Variants in ZNF723 observed in about 807,000 individuals in gnomAD.
ZNF723 encodes zinc finger protein 723, pseudogene.
A neutral mutation model predicts 9.4 loss-of-function variants in ZNF723; 5 were observed. The ratio of observed to expected loss-of-function variants is 0.53; its 90% CI spans 0.28 to 1.12. The LOEUF is 1.12. Ranked by LOEUF, ZNF723 falls within the 50% of genes most tolerant of loss-of-function variation. The probability of loss-of-function intolerance (pLI) is 0.10; values close to 1 mark genes in which losing one functional copy is unlikely to be tolerated. For synonymous variants in ZNF723, 158 were observed against 168.8 expected, an observed-to-expected ratio of 0.94 and a Z score of 0.49; for missense variants, 450 against 501.5, an observed-to-expected ratio of 0.90 and a Z score of 0.98.
the ZNF723 span, among the ~76,000 whole-genome samples, chr19:22,813,266 T>C: frequency 2.6e-5 from 4 of 152,076 alleles, no homozygotes; most frequent in Admixed American, 6.6e-5. Context: ...GTCTTGCAGG[T>C]GTTATTGTGA....
At position 22,857,461 on chromosome 19, in the gene ZNF723, A is replaced by G; in HGVS notation, c.570A>G (p.Lys190=). 9.5e-7 allele frequency: 1 copy of G among 1,050,074 alleles called. No individual in the cohort carries two copies. The highest frequency in any genetic ancestry group is 1.3e-5 in the South Asian group (1 of 78,222). 65.0% of individuals were successfully genotyped at this position (1,050,074 alleles called of 1,614,324 possible). The change falls in exon 4 of 4, where the codon AAA becomes AAG. Residue 190 remains lysine, a synonymous_variant. Coordinates refer to ENST00000600766, the MANE Select transcript of ZNF723 (RefSeq NM_001349726.2). The part of the protein sequence containing the change: ...KSFCMLSHLT[K]HERNHTRVNC... ...TTTGCATGCTTTCACACCTAACTAA[A>G]CATGAAAGAAATCATACTAGAGTGA...
intron 1 of ZNF723, among the ~76,000 whole-genome samples, chr19:22,834,106 G>GAGACCAT (rs1001778466): frequency 4.7e-5 from 7 of 150,232 alleles, no homozygotes; most frequent in African/African-American, 1.7e-4. Context: ...AGTGGAGACG[G>GAGACCAT]GGTTTCACCA....
chr19:22,838,511 C>T (rs1041770997), intron 1 of ZNF723, among the ~76,000 whole-genome samples: 1 of 151,638 alleles, frequency 6.6e-6, no homozygotes, highest in African/African-American at 2.4e-5. Flanking sequence ...GAGATCTAGC[C>T]ATTGCATTCC....
At chr19:22,817,518 C>A in the ZNF723 span, among the ~76,000 whole-genome samples, 1 of 151,772 alleles carries the variant, frequency 6.6e-6, no homozygotes, top group Non-Finnish European at 1.5e-5. Context: ...TTGGACCTTG[C>A]CCACTGGGAG....
intron 1 of ZNF723, among the ~76,000 whole-genome samples, chr19:22,842,590 T>C (rs1395973392): frequency 1.3e-5 from 2 of 152,248 alleles, no homozygotes; most frequent in Non-Finnish European, 2.9e-5. Flanking sequence ...GCTCCCAGGT[T>C]ACAATCCTCA....
At chr19:22,818,018 T>A in the ZNF723 span, among the ~76,000 whole-genome samples, 394 of 152,280 alleles carry the variant, frequency 2.6e-3, 7 homozygotes, top group East Asian at 0.063. Context: ...ACTGTGACGG[T>A]CATATGTAAA....
At chr19:22,849,624 G>A (rs760598704) in intron 3 of ZNF723, among the ~76,000 whole-genome samples, 1 of 152,042 alleles carries the variant, frequency 6.6e-6, no homozygotes, top group African/African-American at 2.4e-5. Context: ...ATAAAACTCT[G>A]TTAGGCTGGG....
At chr19:22,822,066 T>C in the ZNF723 span, among the ~76,000 whole-genome samples, 1 of 152,274 alleles carries the variant, frequency 6.6e-6, no homozygotes, top group African/African-American at 2.4e-5. Flanking sequence ...GCTGATATCA[T>C]GCCATCGTAC....
At chr19:22,847,128 T>A (rs931674859) in intron 1 of ZNF723, among the ~76,000 whole-genome samples, 1 of 151,770 alleles carries the variant, frequency 6.6e-6, no homozygotes, top group Non-Finnish European at 1.5e-5. Context: ...CAGCTTGGAA[T>A]GTAGTGGCGT....
At chr19:22,848,526 C>T (rs1273171352) in intron 2 of ZNF723, 139 bp downstream of exon 2, 2 of 727,072 alleles carry the variant, frequency 2.8e-6, no homozygotes, top group African/African-American at 1.8e-5. Flanking sequence ...GGGAATTTGT[C>T]AGTGTAGAAA....
intron 1 of ZNF723, among the ~76,000 whole-genome samples, chr19:22,841,284 C>A (rs184419424): frequency 1.4e-4 from 21 of 152,200 alleles, no homozygotes; most frequent in Middle Eastern, 3.4e-3. Context: ...AAGCTTACAC[C>A]GATGGCCTTG....
Position 22,839,466 on chromosome 19 carries a change from G to GT in ZNF723, c.3+7102dup, listed in dbSNP as rs34691832. Among the ~76,000 whole-genome samples, 938 of 124,516 alleles carry GT rather than the reference G, an allele frequency of 7.5e-3. 3 individuals are homozygous for GT. Among genetic ancestry groups the GT allele is most frequent in the Non-Finnish European group, 0.01 (607 of 60,184 alleles). 81.7% of individuals were successfully genotyped at this position (124,516 alleles called of 152,430 possible). ...AACCTTGCCAGCATGTTTTTTTTTG[G>GT]TTTTTTTTTTTTTTTTTTGAGACAG... On this transcript the variant is annotated intron_variant, in intron 1 of 3. Coordinates refer to ENST00000600766, the MANE Select transcript of ZNF723 (RefSeq NM_001349726.2).
chr19:22,812,266 C>A, the ZNF723 span, among the ~76,000 whole-genome samples: 1 of 152,126 alleles, frequency 6.6e-6, no homozygotes, highest in South Asian at 2.1e-4. Context: ...CCACCTCACC[C>A]GGCCAACATG....
chr19:22,814,058 C>T, the ZNF723 span, among the ~76,000 whole-genome samples: 1 of 151,998 alleles, frequency 6.6e-6, no homozygotes, highest in South Asian at 2.1e-4. Context: ...ATGATCCGCC[C>T]ACCTCGGCCT....
the ZNF723 span, among the ~76,000 whole-genome samples, chr19:22,825,230 C>T: frequency 6.6e-6 from 1 of 152,172 alleles, no homozygotes; most frequent in African/African-American, 2.4e-5. Flanking sequence ...GCCGGTGAGC[C>T]TGTGACTTTC....
the ZNF723 span, among the ~76,000 whole-genome samples, chr19:22,820,199 G>T: frequency 6.6e-6 from 1 of 152,006 alleles, no homozygotes; most frequent in South Asian, 2.1e-4. Flanking sequence ...ATCTCTGCAC[G>T]TGTCACTTAA....
chr19:22,851,099 C>A (rs1321415899), intron 3 of ZNF723, among the ~76,000 whole-genome samples: 1 of 151,966 alleles, frequency 6.6e-6, no homozygotes, highest in Non-Finnish European at 1.5e-5. Flanking sequence ...GTTTTATGCA[C>A]CATCATTATA....
At chr19:22,850,083 T>C (rs1367503572) in intron 3 of ZNF723, among the ~76,000 whole-genome samples, 1 of 151,840 alleles carries the variant, frequency 6.6e-6, no homozygotes, top group East Asian at 1.9e-4. Flanking sequence ...TTGGAATTAT[T>C]ATATTAAGTA....
chr19:22,831,917 A>T (rs574746048), upstream of ZNF723, among the ~76,000 whole-genome samples: 47 of 152,310 alleles, frequency 3.1e-4, no homozygotes, highest in South Asian at 6.2e-4. Context: ...TCAAAAAAAA[A>T]AATAATAAAT....
Sources: allele counts gnomAD v4.1 joint callset (sites outside exome capture counted in the v4.1 genomes callset), GRCh38; gene constraint gnomAD v4.1.1; transcripts MANE v1.5; gene names NCBI Gene and HGNC (gene_info 2026-07-23, HGNC 2026-07-21).